DCLK1: variants seen among roughly 807,000 people sequenced by gnomAD.
DCLK1 encodes the protein serine/threonine-protein kinase DCLK1.
Under a neutral mutation model 86.2 loss-of-function variants are expected in DCLK1, and 16 were observed. That is an observed-to-expected ratio of 0.19 (90% CI 0.13 to 0.28). The LOEUF (loss-of-function observed/expected upper bound fraction) is 0.28. Ranked by LOEUF, DCLK1 falls within the 10% of genes least tolerant of loss-of-function variation. The pLI is 1.00. For synonymous variants in DCLK1, 369 were observed against 370.5 expected, an observed-to-expected ratio of 1.00 and a Z score of 0.05; for missense variants, 590 against 940.2, an observed-to-expected ratio of 0.63 and a Z score of 4.87.
intron 3 of DCLK1, among the ~76,000 whole-genome samples, chr13:35,968,927 C>T (rs765109588): frequency 2.0e-5 from 3 of 152,194 alleles, no homozygotes; most frequent in Non-Finnish European, 2.9e-5. Context: ...CAAATACGTC[C>T]TAACCAATCA....
chr13:35,806,986 T>G (rs1276517206), intron 14 of DCLK1, among the ~76,000 whole-genome samples: 1 of 152,148 alleles, frequency 6.6e-6, no homozygotes, highest in Non-Finnish European at 1.5e-5. Flanking sequence ...GAACTCACAT[T>G]CAGGACATGA....
At chr13:35,955,978 C>G (rs527886277) in intron 3 of DCLK1, among the ~76,000 whole-genome samples, 2 of 152,250 alleles carry the variant, frequency 1.3e-5, no homozygotes, top group Admixed American at 1.3e-4. Flanking sequence ...TAGAAGGTTT[C>G]CAATCCTGGT....
At position 35,909,853 on chromosome 13, in the gene DCLK1, C is replaced by T. The variant is rs1221163443; in HGVS notation, c.823+37505G>A. 2.0e-5 allele frequency among the ~76,000 whole-genome samples: 3 copies of T among 151,980 alleles called. No individual in the cohort carries two copies. In the East Asian group the frequency reaches 5.8e-4, roughly 29 times the overall value. On this transcript the variant is annotated intron_variant, in intron 4 of 16. Coordinates refer to ENST00000360631, the MANE Select transcript of DCLK1 (RefSeq NM_001330071.2). ...GACTTTATTACTCCTTAAAAGAAAA[C>T]AAAAATCTCCCCTGGGCATGAGACT... is the stretch of plus-strand genomic sequence containing the variant.
At chr13:35,826,433 G>T (rs975324800) in intron 10 of DCLK1, among the ~76,000 whole-genome samples, 6 of 150,184 alleles carry the variant, frequency 4.0e-5, no homozygotes, top group Admixed American at 6.7e-5. Flanking sequence ...TGAGGCAGGA[G>T]AATTGCTTGA....
intron 6 of DCLK1, among the ~76,000 whole-genome samples, chr13:35,845,622 G>T (rs1186785149): frequency 6.6e-6 from 1 of 152,074 alleles, no homozygotes; most frequent in Admixed American, 6.5e-5. Context: ...CTCCTTTAAG[G>T]CAACCCTGAA....
intron 3 of DCLK1, among the ~76,000 whole-genome samples, chr13:35,975,459 C>G (rs759223157): frequency 2.0e-5 from 3 of 152,144 alleles, no homozygotes; most frequent in Admixed American, 2.0e-4. Flanking sequence ...ACTCCCTGTT[C>G]CTGGACAAGT....
At position 35,994,557 on chromosome 13, in the gene DCLK1, T is replaced by TA. The variant is rs1005198486; in HGVS notation, c.724-47101dup. ...TTGCCCCTGGTAATTATACTAAAAATAAAAAAAAGGCAGCCAACTGGTGAG... is the reference window on the plus strand; with the variant it reads ...TTGCCCCTGGTAATTATACTAAAAATAAAAAAAAAGGCAGCCAACTGGTGAG... On this transcript the variant is annotated intron_variant, in intron 3 of 16. Coordinates refer to ENST00000360631, the MANE Select transcript of DCLK1 (RefSeq NM_001330071.2). Among the ~76,000 whole-genome samples, 30 of 151,950 alleles carry TA rather than the reference T, an allele frequency of 2.0e-4. No homozygotes were observed. The East Asian group carries it at 3.1e-3, about 16-fold the overall frequency.
At chr13:35,812,513 T>C (rs958212065) in intron 11 of DCLK1, among the ~76,000 whole-genome samples, 3 of 152,228 alleles carry the variant, frequency 2.0e-5, no homozygotes, top group Non-Finnish European at 4.4e-5. Flanking sequence ...ACACGTCACG[T>C]CTGCCTTCCT....
intron 3 of DCLK1, among the ~76,000 whole-genome samples, chr13:36,042,138 G>A (rs1280408836): frequency 1.3e-5 from 2 of 152,136 alleles, no homozygotes; most frequent in African/African-American, 4.8e-5. Context: ...AGGCAAGGAT[G>A]GATCACACAT....
chr13:35,986,021 AG>A (rs1324418925), intron 3 of DCLK1, among the ~76,000 whole-genome samples: 4 of 152,050 alleles, frequency 2.6e-5, no homozygotes, highest in Admixed American at 2.6e-4. Flanking sequence ...AGGCCGATGA[AG>A]GTCGGGCACG....
Position 35,844,374 on chromosome 13 carries a change from T to C in DCLK1, c.1036-5198A>G, listed in dbSNP as rs565973594. ...CGAGAGCCAAGATTTCAAAGACAAATGCACTTAGTTACAACTAGATCTGTA... is the reference window on the plus strand; with the variant it reads ...CGAGAGCCAAGATTTCAAAGACAAACGCACTTAGTTACAACTAGATCTGTA... On this transcript the variant is annotated intron_variant, in intron 6 of 16. Coordinates refer to ENST00000360631, the MANE Select transcript of DCLK1 (RefSeq NM_001330071.2). Among the ~76,000 whole-genome samples the C allele has an allele frequency of 3.3e-5, 5 of 152,310 alleles. No homozygotes were observed. In the South Asian group the frequency reaches 1.0e-3, roughly 32 times the overall value.
chr13:35,811,114 AAAATAGCTTACTTCCT>A, intron 11 of DCLK1, 146 bp from the exon 12 acceptor site: 2 of 922,700 alleles, frequency 2.2e-6, no homozygotes, highest in Non-Finnish European at 3.2e-6. Flanking sequence ...ATATACATAC[AAAATAGCTTACTTCCT>A]TTAGATTACT....
chr13:36,025,125 G>A (rs181610802), intron 3 of DCLK1, among the ~76,000 whole-genome samples: 1 of 152,182 alleles, frequency 6.6e-6, no homozygotes, highest in East Asian at 1.9e-4. Flanking sequence ...GGGCCACTGT[G>A]CCTGGCTAAT....
chr13:35,823,858 C>T (rs2087456154), intron 10 of DCLK1, among the ~76,000 whole-genome samples: 1 of 152,238 alleles, frequency 6.6e-6, no homozygotes, highest in African/African-American at 2.4e-5. Flanking sequence ...GCCTCTCGGG[C>T]CTGGGCCCTC....
chr13:35,924,163 C>T (rs1404404349), intron 4 of DCLK1, among the ~76,000 whole-genome samples: 1 of 152,142 alleles, frequency 6.6e-6, no homozygotes. Flanking sequence ...GTGCAGCTGC[C>T]TCATCTGGTT....
intron 5 of DCLK1, among the ~76,000 whole-genome samples, chr13:35,866,453 C>CT (rs34793570): frequency 1.6e-3 from 218 of 134,284 alleles, no homozygotes; most frequent in South Asian, 9.0e-3. Context: ...AACAAAGACT[C>CT]TTTTTTTTTT....
At chr13:36,005,985 G>C (rs1328401943) in intron 3 of DCLK1, among the ~76,000 whole-genome samples, 1 of 152,078 alleles carries the variant, frequency 6.6e-6, no homozygotes, top group Non-Finnish European at 1.5e-5. Flanking sequence ...TGGACACAGG[G>C]AGGGGAACAT....
intron 10 of DCLK1, among the ~76,000 whole-genome samples, chr13:35,827,065 A>T (rs1868534918): frequency 1.3e-5 from 2 of 152,246 alleles, no homozygotes; most frequent in Admixed American, 1.3e-4. Context: ...CGTCATCAAC[A>T]ATTGGCTATC....
At chr13:35,999,997 T>C (rs949769587) in intron 3 of DCLK1, among the ~76,000 whole-genome samples, 5 of 152,188 alleles carry the variant, frequency 3.3e-5, no homozygotes, top group African/African-American at 1.2e-4. Flanking sequence ...GAGGGACTAA[T>C]TACTTGATGT....
Sources: allele counts gnomAD v4.1 joint callset (sites outside exome capture counted in the v4.1 genomes callset), GRCh38; gene constraint gnomAD v4.1.1; transcripts MANE v1.5; gene names NCBI Gene and HGNC (gene_info 2026-07-23, HGNC 2026-07-21).